The following SNX14 variants were observed in gnomAD, a reference collection of about 807,000 sequenced individuals.
SNX14 encodes sorting nexin 14, also known as sorting nexin-14.
A neutral mutation model predicts 133.8 loss-of-function variants in SNX14; 93 were observed. That is an observed-to-expected ratio of 0.70 (90% CI 0.59 to 0.83). The LOEUF (loss-of-function observed/expected upper bound fraction) is 0.83. Among genes scored for constraint, SNX14 ranks in the 40% least tolerant of loss-of-function variants. The pLI is 0.00. For synonymous variants in SNX14, 368 were observed against 365.6 expected (o/e 1.01, Z -0.07); for missense variants, 945 against 1,094.9 (o/e 0.86, Z 1.93).
At chr6:85,582,675 T>C (rs544972913) in intron 1 of SNX14, among the ~76,000 whole-genome samples, 2 of 152,060 alleles carry the variant, frequency 1.3e-5, no homozygotes, top group South Asian at 2.1e-4. Flanking sequence ...CTAGAAAATC[T>C]AGAAGAAATG....
Position 85,543,676 on chromosome 6 carries a change from T to G in SNX14, c.1193A>C (p.Lys398Thr). The G allele has an allele frequency of 6.3e-7, 1 of 1,587,606 alleles. No individual in the cohort carries two copies. Residue 398 changes from lysine to threonine, a missense_variant, in exon 13 of 29, where the codon AAA (lysine) becomes ACA (threonine). Around this residue, in one of 3 missense-constraint regions of SNX14, gnomAD observed 514 missense variants for 538.8 expected, o/e 0.95. Coordinates refer to ENST00000314673, the MANE Select transcript of SNX14 (RefSeq NM_153816.6). ...SLHEELQKIY[K>T]TYCLDESIDK... ...AATACTTTCATCCAAACAGTATGTT[T>G]TATAAATCTTCTGCAATTCTTCATG...
At chr6:85,513,726 A>G (rs1773762874) in intron 26 of SNX14, 74 bp downstream of exon 26, 1 of 1,128,110 alleles carries the variant, frequency 8.9e-7, no homozygotes, top group Non-Finnish European at 1.3e-6. Flanking sequence ...AATTAGCTTC[A>G]ATAATTACTA....
At chr6:85,513,924 G>A in intron 25 of SNX14, 29 bp from the exon 26 acceptor site, 2 of 1,584,176 alleles carry the variant, frequency 1.3e-6, no homozygotes, top group East Asian at 4.5e-5. Flanking sequence ...AAATATTTCT[G>A]GAATTTTCAT....
intron 12 of SNX14, 92 bp downstream of exon 12, chr6:85,547,020 A>G: frequency 1.2e-6 from 1 of 830,470 alleles, no homozygotes; most frequent in Admixed American, 3.0e-5. Context: ...ACAATGATAG[A>G]TGGGTACCAC....
chr6:85,506,709 C>T (rs1770846329), intron 28 of SNX14, among the ~76,000 whole-genome samples: 1 of 152,200 alleles, frequency 6.6e-6, no homozygotes, highest in African/African-American at 2.4e-5. Context: ...CACTGAACAA[C>T]AGTTGTTTCA....
intron 5 of SNX14, 138 bp downstream of exon 5, chr6:85,567,396 A>C: frequency 1.6e-6 from 1 of 641,656 alleles, no homozygotes; most frequent in Non-Finnish European, 2.6e-6. Context: ...CCCCCAAAAC[A>C]AATAATTATT....
intron 1 of SNX14, among the ~76,000 whole-genome samples, chr6:85,576,959 G>A (rs572680565): frequency 6.6e-6 from 1 of 152,156 alleles, no homozygotes; most frequent in Non-Finnish European, 1.5e-5. Flanking sequence ...ATGGAGAATG[G>A]CCTAGACTGG....
At chr6:85,526,049 A>G (rs1480932620) in intron 21 of SNX14, 77 bp downstream of exon 21, 1 of 936,050 alleles carries the variant, frequency 1.1e-6, no homozygotes. Flanking sequence ...GCTATACTAT[A>G]TATTTTTCTA....
At chr6:85,563,101 C>T (rs762058673) in intron 6 of SNX14, among the ~76,000 whole-genome samples, 4 of 152,038 alleles carry the variant, frequency 2.6e-5, no homozygotes, top group Non-Finnish European at 5.9e-5. Context: ...TGTTCATTGG[C>T]CATTTTGTAT....
chr6:85,506,315 T>A (rs1770645088), intron 28 of SNX14, among the ~76,000 whole-genome samples: 1 of 148,102 alleles, frequency 6.8e-6, no homozygotes, highest in Non-Finnish European at 1.5e-5. Flanking sequence ...CACAATAACT[T>A]GAAAATTTTT....
At chr6:85,581,148 A>G (rs1022212230) in intron 1 of SNX14, 5 of 152,226 alleles carry the variant, frequency 3.3e-5, no homozygotes, top group Non-Finnish European at 7.3e-5. Flanking sequence ...ACAGAGAGAG[A>G]CTCCATTTGA....
intron 15 of SNX14, among the ~76,000 whole-genome samples, chr6:85,539,378 C>T (rs1047427064): frequency 1.3e-5 from 2 of 152,094 alleles, no homozygotes; most frequent in South Asian, 2.1e-4. Context: ...TTATGCTTCA[C>T]GTTTTTAGGT....
At chr6:85,571,268 G>A (rs1162738427) in intron 4 of SNX14, among the ~76,000 whole-genome samples, 1 of 151,360 alleles carries the variant, frequency 6.6e-6, no homozygotes, top group Non-Finnish European at 1.5e-5. Context: ...GCTGACGCAG[G>A]AGAATCGCTT....
chr6:85,552,755 T>C (rs1285983584), intron 7 of SNX14, among the ~76,000 whole-genome samples: 1 of 152,200 alleles, frequency 6.6e-6, no homozygotes, highest in Non-Finnish European at 1.5e-5. Flanking sequence ...CAAGGAGGAA[T>C]TGAGGACTGA....
At chr6:85,542,324 C>T (rs1480968177) in intron 14 of SNX14, among the ~76,000 whole-genome samples, 4 of 152,196 alleles carry the variant, frequency 2.6e-5, no homozygotes, top group Non-Finnish European at 5.9e-5. Flanking sequence ...TGGTCCCAAT[C>T]TATCTACTTA....
intron 12 of SNX14, among the ~76,000 whole-genome samples, chr6:85,546,242 T>C (rs1453809177): frequency 1.3e-5 from 2 of 152,248 alleles, no homozygotes; most frequent in South Asian, 2.1e-4. Flanking sequence ...TTGATAAAGA[T>C]GCAGGTTACG....
rs1345519856 is a variant in SNX14, at chr6:85,549,706, G to T, written c.791+17C>A. On this transcript the variant is annotated intron_variant, in intron 8 of 28. Transcript: ENST00000314673. ...CATGTTATGCAAATACTATTATATT[G>T]TCTAGTCTTTTTATACCTGCAGTCT... 1 of 1,604,410 alleles carries T rather than the reference G, an allele frequency of 6.2e-7. No homozygotes were observed. Among genetic ancestry groups the T allele is most frequent in the South Asian group, 1.1e-5 (1 of 89,294 alleles).
rs1779077712 is a variant in SNX14 at position 85,528,162 on chromosome 6, G to T, written c.1995+100C>A. ...TTCTAAATTAAAATCTACATGGACA[G>T]GTATTTATAAACCAAAGAACATATA... On this transcript the variant is annotated intron_variant, in intron 20 of 28. Transcript: ENST00000314673. The T allele has an allele frequency of 1.3e-5, 9 of 672,134 alleles. No homozygotes were observed. The South Asian group carries it at 3.3e-4, about 25-fold the overall frequency. 41.6% of individuals were successfully genotyped at this position (672,134 alleles called of 1,614,324 possible). A position where few individuals can be genotyped will look rare whatever the true frequency, so the allele number is the denominator to read the frequency against.
intron 6 of SNX14, among the ~76,000 whole-genome samples, chr6:85,560,217 G>A (rs1791083383): frequency 6.6e-6 from 1 of 152,074 alleles, no homozygotes; most frequent in South Asian, 2.1e-4. Context: ...ACAGACAAAA[G>A]GTAGAAACAA....
Sources: gnomAD v4.1 joint callset for allele counts (sites outside exome capture counted in the v4.1 genomes callset) on GRCh38, gnomAD v4.1.1 for gene constraint, gnomAD v4.1.1 regional missense constraint, MANE v1.5 for transcripts, NCBI Gene and HGNC (gene_info 2026-07-23, HGNC 2026-07-21) for gene names.